Variants in ARHGAP10 observed in about 807,000 individuals in gnomAD.
ARHGAP10 encodes the protein rho GTPase-activating protein 10.
Under a neutral mutation model 108.6 loss-of-function variants are expected in ARHGAP10, and 87 were observed. The observed-to-expected ratio is 0.80, with a 90% CI of 0.67 to 0.96. ARHGAP10 has a LOEUF of 0.96. Ranked by LOEUF, ARHGAP10 falls within the 40% of genes least tolerant of loss-of-function variation. ARHGAP10 has a pLI of 0.00. For missense variants in ARHGAP10, 939 were observed against 954.5 expected (o/e 0.98, Z 0.21); for synonymous variants, 347 against 341.1 (o/e 1.02, Z -0.19).
intron 15 of ARHGAP10, among the ~76,000 whole-genome samples, chr4:147,949,108 T>TTA (rs1184423496): frequency 6.6e-6 from 1 of 152,196 alleles, no homozygotes; most frequent in African/African-American, 2.4e-5. Flanking sequence ...TGGGTGATAG[T>TTA]TATGTATTAC....
chr4:147,980,484 T>A (rs1739771406), intron 18 of ARHGAP10, among the ~76,000 whole-genome samples: 1 of 152,210 alleles, frequency 6.6e-6, no homozygotes, highest in Admixed American at 6.5e-5. Flanking sequence ...TTGGAGATAT[T>A]GGCATGTAGT....
At chr4:147,909,990 C>A (rs1356296064) in intron 12 of ARHGAP10, among the ~76,000 whole-genome samples, 1 of 151,906 alleles carries the variant, frequency 6.6e-6, no homozygotes, top group Non-Finnish European at 1.5e-5. Context: ...CCTTGTTGAT[C>A]TTTCCCATCT....
intron 8 of ARHGAP10, among the ~76,000 whole-genome samples, chr4:147,877,243 TAAATA>T (rs201461665): frequency 0.057 from 7,002 of 122,060 alleles, 232 homozygotes; most frequent in Non-Finnish European, 0.086. Context: ...TTCTTAGAGT[TAAATA>T]AAATATCTGT....
intron 1 of ARHGAP10, among the ~76,000 whole-genome samples, chr4:147,733,698 A>G (rs953128310): frequency 3.9e-5 from 6 of 152,188 alleles, no homozygotes; most frequent in South Asian, 2.1e-4. Context: ...GGTGCCTGGT[A>G]CAGTAAATAT....
chr4:147,998,294 A>G (rs957139643), intron 18 of ARHGAP10, among the ~76,000 whole-genome samples: 1 of 152,226 alleles, frequency 6.6e-6, no homozygotes, highest in Non-Finnish European at 1.5e-5. Context: ...TATACAGTGC[A>G]TATAATTTTA....
chr4:147,885,989 T>C (rs1225131460), intron 10 of ARHGAP10, among the ~76,000 whole-genome samples: 1 of 152,214 alleles, frequency 6.6e-6, no homozygotes, highest in African/African-American at 2.4e-5. Context: ...ATACCTGACC[T>C]CATGTGATGG....
intron 1 of ARHGAP10, among the ~76,000 whole-genome samples, chr4:147,812,992 A>G (rs943432615): frequency 3.9e-5 from 6 of 152,192 alleles, no homozygotes; most frequent in African/African-American, 1.4e-4. Flanking sequence ...GCTTGGAAGC[A>G]CTGGTGTGAA....
intron 10 of ARHGAP10, among the ~76,000 whole-genome samples, chr4:147,885,190 G>T (rs564394797): frequency 6.6e-6 from 1 of 152,146 alleles, no homozygotes; most frequent in Non-Finnish European, 1.5e-5. Flanking sequence ...TTGGGTCATT[G>T]TATTAGTTCA....
intron 22 of ARHGAP10, among the ~76,000 whole-genome samples, chr4:148,069,016 C>T (rs892701583): frequency 3.3e-5 from 5 of 152,220 alleles, no homozygotes; most frequent in Non-Finnish European, 5.9e-5. Flanking sequence ...AAATGACAGA[C>T]ACTGAGACTG....
chr4:148,043,268 G>A (rs1485486658), intron 19 of ARHGAP10, among the ~76,000 whole-genome samples: 1 of 151,994 alleles, frequency 6.6e-6, no homozygotes, highest in African/African-American at 2.4e-5. Context: ...TTTCCAGAGT[G>A]TCTTAGAGTC....
At chr4:147,978,499 C>T (rs1190174865) in intron 18 of ARHGAP10, among the ~76,000 whole-genome samples, 1 of 152,132 alleles carries the variant, frequency 6.6e-6, no homozygotes, top group Non-Finnish European at 1.5e-5. Context: ...TTTCCCCATG[C>T]TGTTCCTGTG....
intron 12 of ARHGAP10, among the ~76,000 whole-genome samples, chr4:147,910,639 T>C (rs1370191631): frequency 6.6e-6 from 1 of 152,176 alleles, no homozygotes; most frequent in Non-Finnish European, 1.5e-5. Context: ...CTGCTGTACT[T>C]GAAGAAAATG....
chr4:148,049,432 C>G (rs1413145933), intron 20 of ARHGAP10, among the ~76,000 whole-genome samples: 1 of 152,232 alleles, frequency 6.6e-6, no homozygotes, highest in African/African-American at 2.4e-5. Flanking sequence ...GTAAAACACA[C>G]TCTTCTAGGG....
chr4:147,850,423 A>G (rs564881217), intron 4 of ARHGAP10, among the ~76,000 whole-genome samples: 87 of 152,282 alleles, frequency 5.7e-4, no homozygotes, highest in African/African-American at 2.0e-3. Context: ...TACCTTTATG[A>G]GCTGTAACAC....
intron 10 of ARHGAP10, among the ~76,000 whole-genome samples, chr4:147,896,063 C>T (rs1382948725): frequency 1.3e-5 from 2 of 152,190 alleles, no homozygotes; most frequent in Non-Finnish European, 2.9e-5. Context: ...TGAGATTAAA[C>T]TCTACTTGGT....
chr4:147,930,107 A>G (rs1416053670), intron 13 of ARHGAP10, among the ~76,000 whole-genome samples: 1 of 152,202 alleles, frequency 6.6e-6, no homozygotes, highest in Admixed American at 6.5e-5. Flanking sequence ...AATATTGATG[A>G]AGCATCTCAT....
At chr4:148,024,435 A>G (rs1741689987) in intron 19 of ARHGAP10, among the ~76,000 whole-genome samples, 1 of 152,160 alleles carries the variant, frequency 6.6e-6, no homozygotes, top group Admixed American at 6.5e-5. Flanking sequence ...AGCTGCATGC[A>G]CACACCAGGT....
At chr4:148,028,876 T>A (rs1247312447) in intron 19 of ARHGAP10, among the ~76,000 whole-genome samples, 2 of 152,222 alleles carry the variant, frequency 1.3e-5, no homozygotes, top group Non-Finnish European at 2.9e-5. Flanking sequence ...GCAGATAAAG[T>A]GGACATTATT....
At chr4:148,053,934 A>G (rs1729254115) in intron 20 of ARHGAP10, among the ~76,000 whole-genome samples, 1 of 152,212 alleles carries the variant, frequency 6.6e-6, no homozygotes, top group Admixed American at 6.5e-5. Flanking sequence ...TTGATAGTCC[A>G]TGTAACTTTA....
Sources: gnomAD v4.1 joint callset for allele counts (sites outside exome capture counted in the v4.1 genomes callset) on GRCh38, gnomAD v4.1.1 for gene constraint, MANE v1.5 for transcripts, NCBI Gene and HGNC (gene_info 2026-07-23, HGNC 2026-07-21) for gene names.